KCNIP1: variants seen among roughly 807,000 people sequenced by gnomAD.
KCNIP1 encodes the protein A-type potassium channel modulatory protein KCNIP1.
In KCNIP1, 18 loss-of-function variants were observed where a neutral mutation model predicts 33.0. That is an observed-to-expected ratio of 0.55 (90% confidence interval 0.38 to 0.81). The LOEUF (loss-of-function observed/expected upper bound fraction) is 0.81. KCNIP1 is among the 30% of genes least tolerant of loss of function. The probability of loss-of-function intolerance (pLI) is 0.00; values close to 1 mark genes in which losing one functional copy is unlikely to be tolerated. For synonymous variants in KCNIP1, 93 were observed against 98.3 expected, an observed-to-expected ratio of 0.95 and a Z score of 0.32; for missense variants, 238 against 271.6, an observed-to-expected ratio of 0.88 and a Z score of 0.87.
chr5:170,534,101 G>T (rs1465343138), intron 1 of KCNIP1, among the ~76,000 whole-genome samples: 1 of 152,180 alleles, frequency 6.6e-6, no homozygotes. Flanking sequence ...ATTCACAAAC[G>T]GTATAGCACA....
At chr5:170,435,158 A>T (rs1755832546) in intron 1 of KCNIP1, among the ~76,000 whole-genome samples, 1 of 152,216 alleles carries the variant, frequency 6.6e-6, no homozygotes, top group Admixed American at 6.5e-5. Context: ...AGTTGCAGCC[A>T]GTACCACCTG....
intron 1 of KCNIP1, among the ~76,000 whole-genome samples, chr5:170,494,468 C>T (rs1286501101): frequency 6.6e-6 from 1 of 152,176 alleles, no homozygotes; most frequent in Non-Finnish European, 1.5e-5. Flanking sequence ...CCAGCCTGGC[C>T]TCTCAGGAAG....
rs1184697862 is a variant in KCNIP1, at chr5:170,542,503, T to A, written c.61+37870T>A. Among the ~76,000 whole-genome samples the A allele has an allele frequency of 2.0e-5, 3 of 151,976 alleles. No individual in the cohort carries two copies. In the East Asian group the frequency reaches 5.8e-4, roughly 29 times the overall value. On this transcript the variant is annotated intron_variant, in intron 1 of 7. Transcript: ENST00000328939. Reference sequence around the variant, plus strand: ...ACTCAACCCTGCATGGAAAAGAAAATAGGACACACATACTATCTTAGTCCA... The same window carrying A: ...ACTCAACCCTGCATGGAAAAGAAAAAAGGACACACATACTATCTTAGTCCA...
At chr5:170,378,590 C>T in intron 1 of KCNIP1, 1 of 1,115,430 alleles carries the variant, frequency 9.0e-7, no homozygotes, top group Non-Finnish European at 1.3e-6. Flanking sequence ...GTGGATTGGA[C>T]TGGAAGAGTG....
chr5:170,385,280 G>A (rs754250048), intron 1 of KCNIP1: 3 of 1,613,362 alleles, frequency 1.9e-6, no homozygotes, highest in South Asian at 1.1e-5. Flanking sequence ...TTAGGAGAGG[G>A]TTGGGGGGTG....
At chr5:170,730,418 T>C (rs1764154855) in intron 5 of KCNIP1, among the ~76,000 whole-genome samples, 1 of 152,168 alleles carries the variant, frequency 6.6e-6, no homozygotes. Context: ...TGTGGATAAG[T>C]AGCTTCTCAG....
At chr5:170,497,966 C>T (rs568370333) in intron 1 of KCNIP1, among the ~76,000 whole-genome samples, 225 of 152,354 alleles carry the variant, frequency 1.5e-3, no homozygotes, top group Non-Finnish European at 2.2e-3. Context: ...GCCTGTGCCC[C>T]GGCTTCCCCG....
chr5:170,395,263 A>G (rs1368422312), intron 1 of KCNIP1, among the ~76,000 whole-genome samples: 1 of 152,066 alleles, frequency 6.6e-6, no homozygotes, highest in Non-Finnish European at 1.5e-5. Context: ...AGCATCTGTT[A>G]TTTTTTTACT....
At chr5:170,619,526 G>C (rs938845446) in intron 1 of KCNIP1, among the ~76,000 whole-genome samples, 2 of 152,178 alleles carry the variant, frequency 1.3e-5, no homozygotes, top group African/African-American at 4.8e-5. Context: ...CTCAAAATCA[G>C]ACCTGGGGTG....
At chr5:170,627,265 A>G (rs926057797) in intron 1 of KCNIP1, among the ~76,000 whole-genome samples, 7 of 152,262 alleles carry the variant, frequency 4.6e-5, no homozygotes, top group African/African-American at 9.6e-5. Context: ...GCCCCAAACA[A>G]CATGAGGAAA....
chr5:170,435,530 G>A (rs1042677430), intron 1 of KCNIP1, among the ~76,000 whole-genome samples: 1 of 152,166 alleles, frequency 6.6e-6, no homozygotes, highest in Admixed American at 6.5e-5. Context: ...CAAGCTCACC[G>A]GGGCCAAGTG....
rs963464814 is a variant in KCNIP1 at position 170,620,627 on chromosome 5, G to A, written c.62-98131G>A. 3.9e-5 allele frequency among the ~76,000 whole-genome samples: 6 copies of A among 152,156 alleles called. 1 individual carries two copies. The highest frequency in any genetic ancestry group is 3.8e-4 in the East Asian group (2 of 5,196). ...ATGGACTTCTTAGTTCCATGTAATG[G>A]ATTCTCTCTATTTTTAAAGCCGTAT... On this transcript the variant is annotated intron_variant, in intron 1 of 7. Coordinates refer to ENST00000328939, the MANE Select transcript of KCNIP1 (RefSeq NM_014592.4).
chr5:170,424,166 G>A (rs1183477586), intron 1 of KCNIP1, among the ~76,000 whole-genome samples: 1 of 152,178 alleles, frequency 6.6e-6, no homozygotes, highest in Non-Finnish European at 1.5e-5. Context: ...CATGCTCTTG[G>A]GTTCCCTGTC....
intron 1 of KCNIP1, among the ~76,000 whole-genome samples, chr5:170,657,572 A>G (rs189828109): frequency 4.7e-4 from 71 of 152,264 alleles, no homozygotes; most frequent in Middle Eastern, 6.8e-3. Flanking sequence ...CCAAGGATAG[A>G]CAGCTTCCCC....
At chr5:170,645,474 C>CA (rs1459065190) in intron 1 of KCNIP1, among the ~76,000 whole-genome samples, 1 of 151,986 alleles carries the variant, frequency 6.6e-6, no homozygotes, top group Non-Finnish European at 1.5e-5. Context: ...ATACAGAAGA[C>CA]AAAAAATGAT....
At chr5:170,699,807 G>T (rs1763029701) in intron 1 of KCNIP1, among the ~76,000 whole-genome samples, 1 of 152,104 alleles carries the variant, frequency 6.6e-6, no homozygotes, top group African/African-American at 2.4e-5. Flanking sequence ...TAGGGTCTCA[G>T]GCCTATGTCA....
chr5:170,711,970 C>A (rs1763461896), intron 1 of KCNIP1, among the ~76,000 whole-genome samples: 1 of 152,100 alleles, frequency 6.6e-6, no homozygotes, highest in Non-Finnish European at 1.5e-5. Flanking sequence ...GCTGAGCTGC[C>A]TTACACACTC....
At chr5:170,543,481 A>G (rs1756291458) in intron 1 of KCNIP1, among the ~76,000 whole-genome samples, 1 of 152,228 alleles carries the variant, frequency 6.6e-6, no homozygotes, top group South Asian at 2.1e-4. Flanking sequence ...AATTTTTTCC[A>G]TTAAAAATAG....
intron 1 of KCNIP1, among the ~76,000 whole-genome samples, chr5:170,670,474 A>G (rs116184063): frequency 0.02 from 3,053 of 152,260 alleles, 49 homozygotes; most frequent in Non-Finnish European, 0.032. Context: ...ACTATAAATT[A>G]TAGAGTTGGC....
Sources: gnomAD v4.1 joint callset for allele counts (sites outside exome capture counted in the v4.1 genomes callset) on GRCh38, gnomAD v4.1.1 for gene constraint, MANE v1.5 for transcripts, NCBI Gene and HGNC (gene_info 2026-07-23, HGNC 2026-07-21) for gene names.